PKD1L1: variants seen among roughly 807,000 people sequenced by gnomAD.
PKD1L1 encodes polycystin-1-like protein 1.
Under a neutral mutation model 323.4 loss-of-function variants are expected in PKD1L1, and 236 were observed. That is an observed-to-expected ratio of 0.73 (90% CI 0.66 to 0.81). The LOEUF is 0.81. PKD1L1 is among the 40% of genes least tolerant of loss of function. PKD1L1 has a pLI of 0.00. For missense variants in PKD1L1, 3,320 were observed against 3,508.0 expected, an observed-to-expected ratio of 0.95 and a Z score of 1.35; for synonymous variants, 1,344 against 1,335.0, an observed-to-expected ratio of 1.01 and a Z score of -0.15.
chr7:47,874,212 A>G (rs911606035), intron 23 of PKD1L1, among the ~76,000 whole-genome samples: 2 of 152,232 alleles, frequency 1.3e-5, no homozygotes, highest in Non-Finnish European at 2.9e-5. Flanking sequence ...TAGTTTGACC[A>G]GTTCCTACAT....
At chr7:47,958,795 C>CTCTCCCTCTCCCCACGG in the PKD1L1 span, among the ~76,000 whole-genome samples, 33 of 150,176 alleles carry the variant, frequency 2.2e-4, no homozygotes, top group African/African-American at 4.3e-4. Flanking sequence ...CTCCCTCTCC[C>CTCTCCCTCTCCCCACGG]TCTCCCTCTC....
intron 55 of PKD1L1, chr7:47,795,149 G>C (rs1784491376): frequency 3.7e-6 from 1 of 271,126 alleles, no homozygotes; most frequent in Admixed American, 5.1e-5. Context: ...GAGATTTGGA[G>C]GGGGCCAGGA....
chr7:47,848,596 G>A (rs1414612573), intron 31 of PKD1L1, among the ~76,000 whole-genome samples: 4 of 152,224 alleles, frequency 2.6e-5, no homozygotes, highest in Admixed American at 6.5e-5. Flanking sequence ...ACCTGAGGTC[G>A]GGAGTTCGAG....
At chr7:47,896,722 C>T (rs777414874) in intron 14 of PKD1L1, among the ~76,000 whole-genome samples, 13 of 152,226 alleles carry the variant, frequency 8.5e-5, no homozygotes, top group Middle Eastern at 3.4e-3. Context: ...CTCCTCCACT[C>T]GTTCAGTATT....
chr7:47,923,453 G>A (rs1787596872), intron 7 of PKD1L1, among the ~76,000 whole-genome samples: 1 of 151,766 alleles, frequency 6.6e-6, no homozygotes, highest in South Asian at 2.1e-4. Flanking sequence ...CTCAGGTGAT[G>A]GTTGCACCAA....
chr7:47,897,384 C>T (rs1389081508), intron 14 of PKD1L1, among the ~76,000 whole-genome samples: 1 of 152,234 alleles, frequency 6.6e-6, no homozygotes, highest in Non-Finnish European at 1.5e-5. Flanking sequence ...CCACCAGGTT[C>T]TGCTCATTAT....
chr7:47,783,304 T>C (rs1233547385), intron 56 of PKD1L1, among the ~76,000 whole-genome samples: 1 of 151,598 alleles, frequency 6.6e-6, no homozygotes, highest in Non-Finnish European at 1.5e-5. Flanking sequence ...ACAAACATCA[T>C]TCTTATAAAA....
At chr7:47,838,501 G>T (rs1048278087) in intron 36 of PKD1L1, among the ~76,000 whole-genome samples, 16 of 152,014 alleles carry the variant, frequency 1.1e-4, no homozygotes, top group African/African-American at 3.1e-4. Context: ...TCAGCAAATG[G>T]TCATGCACAG....
chr7:47,940,234 G>A lies in PKD1L1; in HGVS notation c.244C>T (p.Arg82Trp), dbSNP rs377088385. 1.9e-5 allele frequency: 31 copies of A among 1,613,908 alleles called. No individual in the cohort carries two copies. Among genetic ancestry groups the A allele is most frequent in the Middle Eastern group, 1.6e-4 (1 of 6,084 alleles). ...GATGAGGATGGGCTCTGTGATTCCC[G>A]GTCTTCTGCCTTTCCATTCAGAGCA... ...WCALNGKAED[R>W]ESQSPSSSAS... is the part of the protein sequence containing the mutation. Residue 82 changes from arginine to tryptophan, a missense_variant, in exon 3 of 57, where the codon CGG becomes TGG. Arg to Trp is a moderately radical substitution (Grantham distance 101). Transcript: ENST00000289672.
At chr7:47,810,926 G>T (rs1321252793) in intron 50 of PKD1L1, among the ~76,000 whole-genome samples, 1 of 152,154 alleles carries the variant, frequency 6.6e-6, no homozygotes, top group Non-Finnish European at 1.5e-5. Context: ...AGTAATCAAG[G>T]TTAACTGGGG....
At chr7:47,887,901 C>T in intron 17 of PKD1L1, 89 bp downstream of exon 17, 4 of 1,326,406 alleles carry the variant, frequency 3.0e-6, no homozygotes, top group South Asian at 1.4e-5. Context: ...CTGGGTCATA[C>T]CAAATGTATT....
At chr7:47,856,362 C>CT (rs1271568578) in intron 28 of PKD1L1, among the ~76,000 whole-genome samples, 8 of 152,136 alleles carry the variant, frequency 5.3e-5, no homozygotes, top group Non-Finnish European at 8.8e-5. Context: ...TTTTTGCAGT[C>CT]TTCCCAAATT....
chr7:47,915,407 C>T (rs753036568), intron 8 of PKD1L1, 25 bp downstream of exon 8: 1 of 804,718 alleles, frequency 1.2e-6, no homozygotes, highest in Non-Finnish European at 2.3e-6. Flanking sequence ...CTCCTTGTGG[C>T]CTCTTTTTGC....
intron 26 of PKD1L1, among the ~76,000 whole-genome samples, chr7:47,862,220 G>C (rs1461220800): frequency 6.6e-6 from 1 of 152,110 alleles, no homozygotes; most frequent in Admixed American, 6.6e-5. Context: ...ATTGGATTGT[G>C]TCCTCAAACT....
At chr7:47,818,354 G>T (rs1785067117) in intron 46 of PKD1L1, among the ~76,000 whole-genome samples, 1 of 152,206 alleles carries the variant, frequency 6.6e-6, no homozygotes, top group Admixed American at 6.5e-5. Flanking sequence ...TCTGCTGTGG[G>T]AAGCAAGATG....
chr7:47,829,377 A>G, intron 44 of PKD1L1, 48 bp downstream of exon 44: 1 of 1,504,284 alleles, frequency 6.6e-7, no homozygotes, highest in Non-Finnish European at 9.0e-7. Flanking sequence ...TAGAATATAA[A>G]GTAGTTTTTT....
At chr7:47,820,651 T>C (rs1361106577) in intron 46 of PKD1L1, among the ~76,000 whole-genome samples, 1 of 151,700 alleles carries the variant, frequency 6.6e-6, no homozygotes, top group African/African-American at 2.4e-5. Flanking sequence ...CGCTTGAACC[T>C]GGGAGGTGGA....
At chr7:47,831,142 A>G in intron 42 of PKD1L1, 75 bp downstream of exon 42, 1 of 1,527,212 alleles carries the variant, frequency 6.5e-7, no homozygotes, top group Non-Finnish European at 8.9e-7. Context: ...GTTCCCAGAA[A>G]TGCAGGGATT....
chr7:47,840,597 A>C lies in PKD1L1; in HGVS notation c.5446-30T>G. On this transcript the variant is annotated intron_variant, in intron 34 of 56. Coordinates refer to ENST00000289672, the MANE Select transcript of PKD1L1 (RefSeq NM_138295.5). The surrounding 1 kb of genome is among the most constrained non-coding windows in gnomAD (Gnocchi z 4.1). ...AAACAAAGAACAGGGGTGGGAACTC[A>C]GGCTATTTCACAGCAGACACCATGC... 3 of 1,540,204 alleles carry C rather than the reference A, an allele frequency of 1.9e-6. No individual in the cohort carries two copies. The highest frequency in any genetic ancestry group is 2.7e-6 in the Non-Finnish European group (3 of 1,114,054).
Sources: gnomAD v4.1 joint callset for allele counts (sites outside exome capture counted in the v4.1 genomes callset) on GRCh38, gnomAD v4.1.1 for gene constraint, Gnocchi (gnomAD v3.1) non-coding constraint, MANE v1.5 for transcripts, NCBI Gene and HGNC (gene_info 2026-07-23, HGNC 2026-07-21) for gene names.